HNRNPK: variants seen among roughly 807,000 people sequenced by gnomAD.
HNRNPK encodes the protein dC-stretch binding protein.
Under a neutral mutation model 67.0 loss-of-function variants are expected in HNRNPK, and 7 were observed. That is an observed-to-expected ratio of 0.10 (90% CI 0.06 to 0.20). The LOEUF is 0.20. HNRNPK is among the 10% of genes least tolerant of loss of function. The pLI, the probability that HNRNPK is intolerant of heterozygous loss-of-function variation, is 1.00. For synonymous variants in HNRNPK, 213 were observed against 193.7 expected (o/e 1.10, Z -0.83); for missense variants, 264 against 606.5 (o/e 0.44, Z 5.93).
At position 83,972,975 on chromosome 9, in the gene HNRNPK, GTAGT is replaced by G; in HGVS notation, c.517-7_517-4del. 1 of 1,570,718 alleles carries G rather than the reference GTAGT, an allele frequency of 6.4e-7. No homozygotes were observed. The highest frequency in any genetic ancestry group is 8.6e-7 in the Non-Finnish European group (1 of 1,158,076). ...AGCTTGATGGTGGTTTGAGTGTTCT[GTAGT>G]AAGATCATAAAAAAAAATAATAATA... On this transcript the variant is annotated splice_region_variant and splice_polypyrimidine_tract_variant and intron_variant, in intron 9 of 16. Coordinates refer to ENST00000376263, the MANE Select transcript of HNRNPK (RefSeq NM_031263.4).
chr9:83,971,342 A>G lies in HNRNPK; in HGVS notation c.1023T>C (p.Ala341=), dbSNP rs769766378. 6 of 1,609,262 alleles carry G rather than the reference A, an allele frequency of 3.7e-6. No homozygotes were observed. The highest frequency in any genetic ancestry group is 1.7e-4 in the Middle Eastern group (1 of 6,054). The change falls in exon 13 of 17, where the codon GCT becomes GCC. Residue 341 remains alanine (A), a synonymous_variant. Transcript: ENST00000376263. Reference sequence around the variant, plus strand: ...CTATTGCAGAGTCCCAAGTTTCATCAGCACTGAAACCAACCTGTTAGAGAT... The same window carrying G: ...CTATTGCAGAGTCCCAAGTTTCATCGGCACTGAAACCAACCTGTTAGAGAT... ...DRYDGMVGFS[A]DETWDSAIDT... is the part of the protein sequence containing the mutation.
intron 1 of HNRNPK, among the ~76,000 whole-genome samples, chr9:83,978,667 T>G (rs910608948): frequency 2.0e-4 from 31 of 152,212 alleles, no homozygotes; most frequent in Admixed American, 9.2e-4. Context: ...AACAATAACT[T>G]TTAGCCACTG....
intron 13 of HNRNPK, 123 bp from the exon 14 acceptor site, chr9:83,971,035 G>C (rs573127876): frequency 3.1e-6 from 3 of 958,780 alleles, no homozygotes; most frequent in East Asian, 5.0e-5. Context: ...TCAAACTCTC[G>C]GGCTCAAGTG....
Position 83,968,343 on chromosome 9 carries a change from CTT to C in HNRNPK, c.*1062_*1063del, listed in dbSNP as rs1588403524. On this transcript the variant is annotated 3_prime_UTR_variant, in exon 17 of 17. Coordinates refer to ENST00000376263, the MANE Select transcript of HNRNPK (RefSeq NM_031263.4). Reference sequence around the variant, plus strand: ...AACATACAACAGAGAAATGGTACATCTTTTTCTTTCAATTTGCATACAATGGA... The same window carrying C: ...AACATACAACAGAGAAATGGTACATCTTTCTTTCAATTTGCATACAATGGA... 2.0e-5 allele frequency: 3 copies of C among 152,070 alleles called. No homozygotes were observed. The East Asian group carries it at 5.8e-4, about 29-fold the overall frequency. The allele number at this position is 152,070 out of a possible 1,614,324, so 9.4% of individuals were successfully genotyped here. A position where few individuals can be genotyped will look rare whatever the true frequency, so the allele number is the denominator to read the frequency against.
At chr9:83,973,137 A>G (rs966935818) in intron 9 of HNRNPK, 149 bp downstream of exon 9, 11 of 732,076 alleles carry the variant, frequency 1.5e-5, no homozygotes, top group Non-Finnish European at 2.5e-5. Context: ...ACAAAATAAC[A>G]TGTCTAGCAG....
intron 5 of HNRNPK, chr9:83,975,900 T>G (rs532777325): frequency 5.5e-6 from 1 of 180,718 alleles, no homozygotes; most frequent in East Asian, 1.3e-4. Flanking sequence ...CCTTTTTTAT[T>G]TTTTAAGAAA....
chr9:83,979,705 C>T (rs1957278661), intron 1 of HNRNPK, among the ~76,000 whole-genome samples: 1 of 149,358 alleles, frequency 6.7e-6, no homozygotes, highest in African/African-American at 2.5e-5. Context: ...ACCACGCGGT[C>T]CCGAGGTCTC....
intron 1 of HNRNPK, among the ~76,000 whole-genome samples, chr9:83,979,290 C>G (rs1564072199): frequency 6.6e-6 from 1 of 152,230 alleles, no homozygotes; most frequent in Non-Finnish European, 1.5e-5. Context: ...CGACTTATTG[C>G]TCTCCTAACG....
chr9:83,976,686 C>G, intron 5 of HNRNPK: 1 of 228,752 alleles, frequency 4.4e-6, no homozygotes. Context: ...GGAAATGGTG[C>G]AATCAAGGAT....
chr9:83,969,732 G>A (rs1175566847), intron 16 of HNRNPK: 1 of 651,858 alleles, frequency 1.5e-6, no homozygotes, highest in Admixed American at 2.0e-5. Context: ...GCATTTTACA[G>A]CACCAATCAT....
intron 13 of HNRNPK, 141 bp from the exon 14 acceptor site, chr9:83,971,053 T>C (rs1956812427): frequency 6.1e-6 from 5 of 818,780 alleles, no homozygotes; most frequent in South Asian, 3.0e-5. Flanking sequence ...GTGATCCTCC[T>C]GCCTCAGACT....
At position 83,979,431 on chromosome 9, in the gene HNRNPK, C is replaced by T. The variant is rs12002509; in HGVS notation, c.-108+722G>A. ...GAATAACGTTGCCGCTTGCCGTTCACCCTTCGGGTCCTGCAGTCACTAGTC... is the reference window on the plus strand; with the variant it reads ...GAATAACGTTGCCGCTTGCCGTTCATCCTTCGGGTCCTGCAGTCACTAGTC... On this transcript the variant is annotated intron_variant, in intron 1 of 16. Transcript: ENST00000376263. 1.4e-3 allele frequency among the ~76,000 whole-genome samples: 220 copies of T among 152,358 alleles called. 1 individual carries two copies. Among genetic ancestry groups the T allele is most frequent in the African/African-American group, 5.1e-3 (214 of 41,578 alleles).
At chr9:83,973,503 C>G (rs1956947804) in intron 8 of HNRNPK, 104 bp from the exon 9 acceptor site, 1 of 707,800 alleles carries the variant, frequency 1.4e-6, no homozygotes, top group Non-Finnish European at 2.5e-6. Flanking sequence ...AGTGAGCAAC[C>G]TGAATTTATA....
At chr9:83,974,471 T>C (rs1371248263) in intron 7 of HNRNPK, 46 bp downstream of exon 7, 2 of 918,584 alleles carry the variant, frequency 2.2e-6, no homozygotes, top group Non-Finnish European at 3.5e-6. Context: ...ACTTTAAACA[T>C]TCCCCCCTCA....
chr9:83,979,076 G>A (rs945758857), intron 1 of HNRNPK, among the ~76,000 whole-genome samples: 2 of 152,192 alleles, frequency 1.3e-5, no homozygotes, highest in Admixed American at 6.5e-5. Flanking sequence ...GCTTAAGGGA[G>A]TACAACACAA....
rs1458091275 is a variant in HNRNPK at position 83,968,093 on chromosome 9, T to G, written c.*1314A>C. On this transcript the variant is annotated 3_prime_UTR_variant, in exon 17 of 17. Transcript: ENST00000376263. ...CTTCACACAAAAAAATACATAAGAT[T>G]ACTATATTTCCTTTTAAGAGGAACG... The G allele has an allele frequency of 1.3e-5, 2 of 152,448 alleles. No individual in the cohort carries two copies. The highest frequency in any genetic ancestry group is 4.8e-5 in the African/African-American group (2 of 41,440). 9.4% of individuals were successfully genotyped at this position (152,448 alleles called of 1,614,324 possible).
intron 6 of HNRNPK, among the ~76,000 whole-genome samples, chr9:83,974,799 G>A (rs1299066208): frequency 1.3e-5 from 2 of 152,206 alleles, no homozygotes; most frequent in African/African-American, 2.4e-5. Context: ...GAGACTTGCA[G>A]AGAGACAGAG....
Position 83,973,268 on chromosome 9 carries a change from GAATT to G in HNRNPK, c.516+14_516+17del. On this transcript the variant is annotated intron_variant, in intron 9 of 16. Transcript: ENST00000376263. ...TTACTTTCCAGCAAAGAATACGGCA[GAATT>G]TTTTTTTTTTTACCTCTCGAAGTTC... is the stretch of plus-strand genomic sequence containing the variant. The G allele has an allele frequency of 1.5e-6, 2 of 1,332,804 alleles. No individual in the cohort carries two copies. Among genetic ancestry groups the G allele is most frequent in the Non-Finnish European group, 2.2e-6 (2 of 929,578 alleles). 82.6% of individuals were successfully genotyped at this position (1,332,804 alleles called of 1,614,324 possible). A position where few individuals can be genotyped will look rare whatever the true frequency, so the allele number is the denominator to read the frequency against.
chr9:83,974,644 GTT>G (rs1956995610), intron 6 of HNRNPK, 55 bp from the exon 7 acceptor site: 3 of 1,224,766 alleles, frequency 2.4e-6, no homozygotes, highest in African/African-American at 3.0e-5. Context: ...AGAAAAATGA[GTT>G]TTGTGTTTGT....
Sources: gnomAD v4.1 joint callset for allele counts (sites outside exome capture counted in the v4.1 genomes callset) on GRCh38, gnomAD v4.1.1 for gene constraint, MANE v1.5 for transcripts, NCBI Gene and HGNC (gene_info 2026-07-23, HGNC 2026-07-21) for gene names.